PDE7B: variants seen among roughly 807,000 people sequenced by gnomAD.
The protein encoded by PDE7B is 3',5'-cyclic-AMP phosphodiesterase 7B.
PDE7B carries 29 observed loss-of-function variants against 56.2 expected under a neutral mutation model. The observed-to-expected ratio is 0.52, with a 90% CI of 0.38 to 0.70. PDE7B has a LOEUF of 0.70. PDE7B is among the 30% of genes least tolerant of loss of function. PDE7B has a pLI of 0.00. For synonymous variants in PDE7B, 197 were observed against 196.9 expected, an observed-to-expected ratio of 1.00 and a Z score of 0.00; for missense variants, 490 against 565.0, an observed-to-expected ratio of 0.87 and a Z score of 1.35.
At chr6:136,177,162 C>T (rs1778991388) in intron 9 of PDE7B, among the ~76,000 whole-genome samples, 1 of 151,722 alleles carries the variant, frequency 6.6e-6, no homozygotes, top group Non-Finnish European at 1.5e-5. Flanking sequence ...GATTAAGCTA[C>T]ATTAAAAATT....
intron 9 of PDE7B, among the ~76,000 whole-genome samples, 173 bp downstream of exon 9, chr6:136,174,061 A>G (rs1778937431): frequency 6.6e-6 from 1 of 152,164 alleles, no homozygotes; most frequent in South Asian, 2.1e-4. Flanking sequence ...AGCAACCCAG[A>G]AACCAAAATC....
At chr6:135,908,558 A>G (rs1776157314) in intron 1 of PDE7B, among the ~76,000 whole-genome samples, 1 of 152,216 alleles carries the variant, frequency 6.6e-6, no homozygotes, top group Admixed American at 6.5e-5. Context: ...AACAAAAATG[A>G]AACACTGGAA....
chr6:135,886,850 T>C (rs1775717958), intron 1 of PDE7B, among the ~76,000 whole-genome samples: 1 of 152,184 alleles, frequency 6.6e-6, no homozygotes, highest in Non-Finnish European at 1.5e-5. Flanking sequence ...GTCTTTTTTG[T>C]ATAATGACTT....
At chr6:135,980,277 T>C (rs1476409294) in intron 2 of PDE7B, among the ~76,000 whole-genome samples, 4 of 152,134 alleles carry the variant, frequency 2.6e-5, no homozygotes, top group Non-Finnish European at 5.9e-5. Context: ...TTACACCTTA[T>C]ACAAAAATCA....
intron 2 of PDE7B, among the ~76,000 whole-genome samples, chr6:136,006,639 T>C (rs193228573): frequency 1.3e-5 from 2 of 152,298 alleles, no homozygotes; most frequent in African/African-American, 4.8e-5. Context: ...CCCTGTTAGC[T>C]GTATTCCTGG....
chr6:135,980,494 G>A (rs1159490109), intron 2 of PDE7B, among the ~76,000 whole-genome samples: 2 of 151,152 alleles, frequency 1.3e-5, no homozygotes, highest in Admixed American at 6.6e-5. Flanking sequence ...TACCATCAGA[G>A]TGAACAGGCA....
At chr6:136,003,324 T>C (rs1303681211) in intron 2 of PDE7B, among the ~76,000 whole-genome samples, 1 of 151,088 alleles carries the variant, frequency 6.6e-6, no homozygotes, top group Non-Finnish European at 1.5e-5. Flanking sequence ...ATTCAAAAGC[T>C]AGCAGAAGGC....
intron 2 of PDE7B, among the ~76,000 whole-genome samples, chr6:136,019,355 TAAA>T (rs1399792632): frequency 6.7e-6 from 1 of 149,248 alleles, no homozygotes; most frequent in East Asian, 2.0e-4. Context: ...AAATAACTAA[TAAA>T]GAAGTTGAAC....
intron 2 of PDE7B, among the ~76,000 whole-genome samples, chr6:136,048,783 A>G (rs1776567258): frequency 6.6e-6 from 1 of 152,242 alleles, no homozygotes; most frequent in Non-Finnish European, 1.5e-5. Context: ...AGTGGCATTC[A>G]TTGACCATAT....
At chr6:136,114,845 C>T (rs1166609060) in intron 3 of PDE7B, 1 of 152,262 alleles carries the variant, frequency 6.6e-6, no homozygotes, top group African/African-American at 2.4e-5. Context: ...AGGCAAGGCA[C>T]TGGCTGTGGT....
At chr6:135,984,276 T>C (rs1050057806) in intron 2 of PDE7B, among the ~76,000 whole-genome samples, 1 of 152,132 alleles carries the variant, frequency 6.6e-6, no homozygotes, top group Non-Finnish European at 1.5e-5. Context: ...TAAATCATAG[T>C]CTCCCAATTG....
At chr6:135,884,351 G>A (rs918543244) in intron 1 of PDE7B, among the ~76,000 whole-genome samples, 5 of 152,120 alleles carry the variant, frequency 3.3e-5, no homozygotes, top group Non-Finnish European at 5.9e-5. Context: ...GCAGTACTTG[G>A]TATCACAATG....
intron 2 of PDE7B, among the ~76,000 whole-genome samples, chr6:136,041,911 T>C (rs527742890): frequency 1.3e-5 from 2 of 152,268 alleles, no homozygotes; most frequent in Admixed American, 6.5e-5. Context: ...ATTGCCCAAC[T>C]CTGGTCCACA....
chr6:135,927,594 T>C (rs1398961000), intron 1 of PDE7B, among the ~76,000 whole-genome samples: 1 of 152,156 alleles, frequency 6.6e-6, no homozygotes, highest in African/African-American at 2.4e-5. Context: ...ATTGAAGAGA[T>C]TTTTCACCTT....
chr6:136,018,845 A>G (rs1249943064), intron 2 of PDE7B, among the ~76,000 whole-genome samples: 1 of 151,988 alleles, frequency 6.6e-6, no homozygotes, highest in Non-Finnish European at 1.5e-5. Context: ...TATTTCAAGA[A>G]ACTTTGGTGA....
At chr6:135,888,536 C>T (rs1775751499) in intron 1 of PDE7B, among the ~76,000 whole-genome samples, 1 of 151,796 alleles carries the variant, frequency 6.6e-6, no homozygotes, top group Admixed American at 6.6e-5. Flanking sequence ...TTTATTTATA[C>T]TTATTATAGG....
intron 2 of PDE7B, chr6:136,047,513 A>AT (rs1776534431): frequency 1.3e-5 from 2 of 152,194 alleles, no homozygotes; most frequent in Admixed American, 1.3e-4. Flanking sequence ...GGGAATGTAA[A>AT]TAGACAAAAT....
intron 2 of PDE7B, among the ~76,000 whole-genome samples, chr6:136,003,637 C>A (rs1405148083): frequency 1.3e-5 from 2 of 148,626 alleles, no homozygotes; most frequent in Admixed American, 1.3e-4. Context: ...ATACACCCTC[C>A]CAAGACTAAA....
At chr6:136,126,128 C>G (rs1778019793) in intron 3 of PDE7B, among the ~76,000 whole-genome samples, 1 of 152,180 alleles carries the variant, frequency 6.6e-6, no homozygotes, top group Non-Finnish European at 1.5e-5. Flanking sequence ...CATGCAGAAT[C>G]CCTGTGAATG....
Sources: allele counts gnomAD v4.1 joint callset (sites outside exome capture counted in the v4.1 genomes callset), GRCh38; gene constraint gnomAD v4.1.1; transcripts MANE v1.5; gene names NCBI Gene and HGNC (gene_info 2026-07-23, HGNC 2026-07-21).